The following SNAI3 variants were observed in gnomAD, a reference collection of about 807,000 sequenced individuals.
The protein encoded by SNAI3 is zinc finger protein SNAI3.
A neutral mutation model predicts 16.4 loss-of-function variants in SNAI3; 21 were observed. That is an observed-to-expected ratio of 1.28 (90% CI 0.91 to 1.85). SNAI3 has a LOEUF of 1.85. Ranked by LOEUF, SNAI3 falls within the 40% of genes most tolerant of loss-of-function variation. The probability of loss-of-function intolerance (pLI) is 0.00; values close to 1 mark genes in which losing one functional copy is unlikely to be tolerated. For missense variants in SNAI3, 457 were observed against 372.8 expected (o/e 1.23, Z -1.86); for synonymous variants, 202 against 166.6 (o/e 1.21, Z -1.64).
chr16:88,681,285 C>G lies in SNAI3; in HGVS notation c.506G>C (p.Arg169Thr). Residue 169 changes from arginine to threonine, a missense_variant, in exon 2 of 3, where the codon AGG becomes ACG. Arg to Thr is a moderately conservative substitution (Grantham distance 71). Coordinates refer to ENST00000332281, the MANE Select transcript of SNAI3 (RefSeq NM_178310.4). This position sits in a 1 kb window ranked among gnomAD's most constrained non-coding sequence, Gnocchi z 5.4. ...CAGGTGGCAGTGCAGCTGCCGGTGC[C>G]TGGCCAGCCCGGCCAGCGTGTGGTA... The part of the protein sequence containing the change: ...KPYHTLAGLA[R>T]HRQLHCHLQV... 6.2e-7 allele frequency: 1 copy of G among 1,613,318 alleles called. No homozygotes were observed.
At position 88,686,471 on chromosome 16, in the gene SNAI3, G is replaced by A. The variant is rs1909370179; in HGVS notation, c.-65C>T. ...GGAGGGGCGCGCCTGGGTCCGGACT[G>A]CTGCGTCCGCCGGCGCTTGAAGGGG... On this transcript the variant is annotated 5_prime_UTR_variant, in exon 1 of 3. Coordinates refer to ENST00000332281, the MANE Select transcript of SNAI3 (RefSeq NM_178310.4). 6.3e-7 allele frequency: 1 copy of A among 1,576,424 alleles called. No individual in the cohort carries two copies. Among genetic ancestry groups the A allele is most frequent in the Non-Finnish European group, 8.6e-7 (1 of 1,167,128 alleles).
At chr16:88,678,945 G>T (rs1261008433) in intron 2 of SNAI3, 1 of 985,290 alleles carries the variant, frequency 1.0e-6, no homozygotes, top group East Asian at 1.1e-4. Flanking sequence ...AGGCAAGTGG[G>T]GGGGTCTGGC....
At position 88,677,698 on chromosome 16, in the gene SNAI3, C is replaced by T. The variant is rs1237966485; in HGVS notation, c.*750G>A. On this transcript the variant is annotated 3_prime_UTR_variant, in exon 3 of 3. Transcript: ENST00000332281. ...AACGGAACATGCAGGTGTGCAGAGA[C>T]CATTTATTACCCCACGGCTGTTATT... is the stretch of plus-strand genomic sequence containing the variant. The T allele has an allele frequency of 6.6e-6, 1 of 152,250 alleles. No individual in the cohort carries two copies. Among genetic ancestry groups the T allele is most frequent in the Non-Finnish European group, 1.5e-5 (1 of 68,068 alleles). 9.4% of individuals were successfully genotyped at this position (152,250 alleles called of 1,614,324 possible).
chr16:88,685,070 A>G (rs565506901), intron 1 of SNAI3: 8 of 152,420 alleles, frequency 5.2e-5, no homozygotes, highest in African/African-American at 1.9e-4. Flanking sequence ...AGCTACCCAG[A>G]TTTGCACACT....
intron 1 of SNAI3, chr16:88,685,165 C>T (rs1909314342): frequency 6.6e-6 from 1 of 152,290 alleles, no homozygotes; most frequent in Admixed American, 6.5e-5. Context: ...TGCGCATCCA[C>T]ATACACATAA....
At chr16:88,679,146 C>A in intron 2 of SNAI3, 3 of 970,724 alleles carry the variant, frequency 3.1e-6, no homozygotes, top group Non-Finnish European at 3.7e-6. Flanking sequence ...TCCTGAGAGA[C>A]CTCAGCCTGC....
Position 88,678,588 on chromosome 16 carries a change from C to A in SNAI3, c.739G>T (p.Ala247Ser). 9.7e-7 allele frequency: 1 copy of A among 1,032,314 alleles called. No individual in the cohort carries two copies. The highest frequency in any genetic ancestry group is 1.5e-6 in the Non-Finnish European group (1 of 650,772). The allele number at this position is 1,032,314 out of a possible 1,614,324, so 63.9% of individuals were successfully genotyped here. A position where few individuals can be genotyped will look rare whatever the true frequency, so the allele number is the denominator to read the frequency against. ...YACSHCSRAF[A>S]DRSNLRAHLQ... Reference sequence around the variant, plus strand: ...TGGGCCCGAAGGTTGGAGCGGTCGGCAAAGGCCCTGCTGCAGTGCGAGCAG... The same window carrying A: ...TGGGCCCGAAGGTTGGAGCGGTCGGAAAAGGCCCTGCTGCAGTGCGAGCAG... Residue 247 changes from alanine to serine, a missense_variant, in exon 3 of 3, where the codon GCC becomes TCC. Ala to Ser is a moderately conservative substitution (Grantham distance 99, BLOSUM62 1). Transcript: ENST00000332281.
rs1909142354 is a variant in SNAI3 at position 88,680,954 on chromosome 16, C to T, written c.697+140G>A. ...AGTCTGTGGTCTGTGGGACTTTGTA[C>T]AGATAAGTCAAAAGGCAGAAGCTGA... On this transcript the variant is annotated intron_variant, in intron 2 of 2. Transcript: ENST00000332281. The T allele has an allele frequency of 1.3e-5, 17 of 1,287,208 alleles. No homozygotes were observed. In the South Asian group the frequency reaches 2.4e-4, roughly 18 times the overall value. 79.7% of individuals were successfully genotyped at this position (1,287,208 alleles called of 1,614,324 possible). A position where few individuals can be genotyped will look rare whatever the true frequency, so the allele number is the denominator to read the frequency against.
intron 1 of SNAI3, among the ~76,000 whole-genome samples, chr16:88,684,271 CTA>C (rs1381388925): frequency 3.3e-5 from 5 of 152,344 alleles, no homozygotes; most frequent in African/African-American, 9.6e-5. Context: ...TTTTCCATCT[CTA>C]AGACATGGCC....
intron 1 of SNAI3, among the ~76,000 whole-genome samples, chr16:88,684,420 G>T (rs1467027527): frequency 6.6e-6 from 1 of 152,346 alleles, no homozygotes; most frequent in East Asian, 1.9e-4. Flanking sequence ...GATTTTAAAT[G>T]CTTTCCCCAT....
At position 88,681,360 on chromosome 16, in the gene SNAI3, C is replaced by T. The variant is rs532228901; in HGVS notation, c.431G>A (p.Arg144Gln). The stretch of plus-strand genomic sequence containing the variant: ...AAAGCCGCCCGGGGCTCGGGGCATC[C>T]GCTCAGCCCCAAGCAGTTTTTCCGG... ...GAPEKLLGAE[R>Q]MPRAPGGFEC... The change falls in exon 2 of 3, where the codon CGG becomes CAG. Residue 144 changes from arginine to glutamine, a missense_variant. Physicochemically the swap from Arg to Gln is conservative, Grantham distance 43 (BLOSUM62 1). Coordinates refer to ENST00000332281, the MANE Select transcript of SNAI3 (RefSeq NM_178310.4). The surrounding 1 kb of genome is among the most constrained non-coding windows in gnomAD (Gnocchi z 5.4). 69 of 1,612,584 alleles carry T rather than the reference C, an allele frequency of 4.3e-5. No homozygotes were observed. Among genetic ancestry groups the T allele is most frequent in the Middle Eastern group, 3.3e-4 (2 of 6,084 alleles).
At position 88,678,649 on chromosome 16, in the gene SNAI3, G is replaced by A. The variant is rs762907786; in HGVS notation, c.698-20C>T. On this transcript the variant is annotated intron_variant, in intron 2 of 2. Coordinates refer to ENST00000332281, the MANE Select transcript of SNAI3 (RefSeq NM_178310.4). Reference sequence around the variant, plus strand: ...TCTCCCCTGTGGGAGGAAGGCGGCGGCCAGTGACACCATGGAAGATGGAGT... The same window carrying A: ...TCTCCCCTGTGGGAGGAAGGCGGCGACCAGTGACACCATGGAAGATGGAGT... The A allele has an allele frequency of 3.4e-6, 5 of 1,479,384 alleles. No homozygotes were observed. Among genetic ancestry groups the A allele is most frequent in the African/African-American group, 2.8e-5 (2 of 72,564 alleles). 91.6% of individuals were successfully genotyped at this position (1,479,384 alleles called of 1,614,324 possible).
rs185117215 is a variant in SNAI3, at chr16:88,678,644, C to G, written c.698-15G>C. On this transcript the variant is annotated splice_polypyrimidine_tract_variant and intron_variant, in intron 2 of 2. Coordinates refer to ENST00000332281, the MANE Select transcript of SNAI3 (RefSeq NM_178310.4). Reference sequence around the variant, plus strand: ...GGGCTTCTCCCCTGTGGGAGGAAGGCGGCGGCCAGTGACACCATGGAAGAT... The same window carrying G: ...GGGCTTCTCCCCTGTGGGAGGAAGGGGGCGGCCAGTGACACCATGGAAGAT... 2.1e-6 allele frequency: 3 copies of G among 1,446,116 alleles called. No homozygotes were observed. In the South Asian group the frequency reaches 3.4e-5, roughly 16 times the overall value. The allele number at this position is 1,446,116 out of a possible 1,614,324, so 89.6% of individuals were successfully genotyped here. A position where few individuals can be genotyped will look rare whatever the true frequency, so the allele number is the denominator to read the frequency against.
Position 88,686,435 on chromosome 16 carries a change from G to A in SNAI3, c.-29C>T, listed in dbSNP as rs766676285. ...CCCCTCCCGGGCGGCAGGCCGGGGT[G>A]GGCTGGGGCGGGAGGGGCGCGCCTG... is the stretch of plus-strand genomic sequence containing the variant. On this transcript the variant is annotated 5_prime_UTR_variant, in exon 1 of 3. Transcript: ENST00000332281. The A allele has an allele frequency of 1.2e-6, 2 of 1,602,912 alleles. No individual in the cohort carries two copies. The highest frequency in any genetic ancestry group is 1.1e-5 in the South Asian group (1 of 90,588).
At position 88,681,413 on chromosome 16, in the gene SNAI3, C is replaced by T. The variant is rs200850230; in HGVS notation, c.378G>A (p.Pro126=). 2.2e-5 allele frequency: 35 copies of T among 1,610,218 alleles called. No homozygotes were observed. Among genetic ancestry groups the T allele is most frequent in the Admixed American group, 1.5e-4 (9 of 59,882 alleles). Residue 126 remains proline (P), a synonymous_variant, in exon 2 of 3, where the codon CCG becomes CCA. Coordinates refer to ENST00000332281, the MANE Select transcript of SNAI3 (RefSeq NM_178310.4). The surrounding 1 kb of genome is among the most constrained non-coding windows in gnomAD (Gnocchi z 5.4). Reference sequence around the variant, plus strand: ...CCCCGTGCCGGTCTGGGCCCAAGGTCGGGGACCACCGTGTGGGCAGCACCA... The same window carrying T: ...CCCCGTGCCGGTCTGGGCCCAAGGTTGGGGACCACCGTGTGGGCAGCACCA... ...PLLVLPTRWS[P]TLGPDRHGAP...
chr16:88,679,775 A>AAAAAAAAAAAAAAAG (rs1555545688), intron 2 of SNAI3, among the ~76,000 whole-genome samples: 49 of 106,546 alleles, frequency 4.6e-4, no homozygotes, highest in Non-Finnish European at 6.5e-4. Context: ...AAAAAAAAAA[A>AAAAAAAAAAAAAAAG]AAAAAAAGAA....
At chr16:88,683,577 G>C (rs1366275604) in intron 1 of SNAI3, among the ~76,000 whole-genome samples, 1 of 80,814 alleles carries the variant, frequency 1.2e-5, no homozygotes, top group African/African-American at 5.4e-5. Context: ...TTTTTTTTGA[G>C]CTGGAGTCTC....
intron 2 of SNAI3, among the ~76,000 whole-genome samples, chr16:88,680,273 T>G (rs1186729967): frequency 7.1e-6 from 1 of 139,882 alleles, no homozygotes; most frequent in Admixed American, 7.6e-5. Context: ...ATTATGTTTT[T>G]GATTTTTTTT....
At chr16:88,682,691 T>C (rs1909214903) in intron 1 of SNAI3, among the ~76,000 whole-genome samples, 1 of 148,346 alleles carries the variant, frequency 6.7e-6, no homozygotes. Context: ...TCTAGAACAC[T>C]AGAACATATA....
Sources: allele counts gnomAD v4.1 joint callset (sites outside exome capture counted in the v4.1 genomes callset), GRCh38; gene constraint gnomAD v4.1.1; non-coding constraint Gnocchi (gnomAD v3.1); transcripts MANE v1.5; gene names NCBI Gene and HGNC (gene_info 2026-07-23, HGNC 2026-07-21).